SLIT1: variants seen among roughly 807,000 people sequenced by gnomAD.
SLIT1 encodes slit homolog 1 protein.
A neutral mutation model predicts 186.1 loss-of-function variants in SLIT1; 66 were observed. That is an observed-to-expected ratio of 0.35 (90% confidence interval 0.29 to 0.44). The LOEUF (loss-of-function observed/expected upper bound fraction) is 0.44, where lower values mean the gene tolerates loss of function less well. Among genes scored for constraint, SLIT1 ranks in the 20% least tolerant of loss-of-function variants. The probability of loss-of-function intolerance (pLI) is 1.00; values close to 1 mark genes in which losing one functional copy is unlikely to be tolerated. For missense variants in SLIT1, 1,638 were observed against 2,037.4 expected, an observed-to-expected ratio of 0.80 and a Z score of 3.77; for synonymous variants, 761 against 833.8, an observed-to-expected ratio of 0.91 and a Z score of 1.50.
At chr10:97,035,934 G>A (rs369692809) in intron 22 of SLIT1, among the ~76,000 whole-genome samples, 2 of 152,118 alleles carry the variant, frequency 1.3e-5, no homozygotes, top group African/African-American at 4.8e-5. Context: ...GCCTCCCTGA[G>A]TTGATCACAT....
chr10:97,100,679 A>G (rs1356807898), intron 4 of SLIT1, among the ~76,000 whole-genome samples: 1 of 152,248 alleles, frequency 6.6e-6, no homozygotes, highest in African/African-American at 2.4e-5. Context: ...TCATTAAAAT[A>G]ATGACCATAA....
At position 97,011,090 on chromosome 10, in the gene SLIT1, C is replaced by T. The variant is rs765166328; in HGVS notation, c.3244G>A (p.Glu1082Lys). The T allele has an allele frequency of 6.2e-7, 1 of 1,613,754 alleles. No individual in the cohort carries two copies. Among genetic ancestry groups the T allele is most frequent in the Non-Finnish European group, 8.5e-7 (1 of 1,179,654 alleles). ...MPGYAGDNCS[E>K]NQDDCRDHRC... ...TGGTCCCTGCAGTCATCCTGGTTCT[C>T]ACTGCAGTTGTCACCTGCATAACCT... The change falls in exon 31 of 37, where the codon GAG becomes AAG. Residue 1082 changes from glutamate to lysine, a missense_variant. This residue lies in a region of SLIT1 where 1,245 missense variants were observed against 1,535.3 expected (regional missense o/e 0.81). Transcript: ENST00000266058.
chr10:97,013,648 G>T (rs911071457), intron 30 of SLIT1, 93 bp downstream of exon 30: 1 of 884,754 alleles, frequency 1.1e-6, no homozygotes, highest in Admixed American at 2.1e-5. Context: ...GGACAAATGA[G>T]GGAATGAGGG....
chr10:97,157,898 GAGA>G lies in SLIT1; in HGVS notation c.342-12_342-10del, dbSNP rs144896993. On this transcript the variant is annotated splice_polypyrimidine_tract_variant and intron_variant, in intron 3 of 36. Transcript: ENST00000266058. ...GGTTTCGGTTCAGTCGCCTATAAAA[GAGA>G]AGAAGAATTGGAAATCACCTAGACA... 3.1e-4 allele frequency: 492 copies of G among 1,609,858 alleles called. No individual in the cohort carries two copies. The African/African-American group carries it at 5.8e-3, about 19-fold the overall frequency.
intron 4 of SLIT1, chr10:97,102,702 A>G (rs892352060): frequency 9.2e-5 from 14 of 152,422 alleles, no homozygotes; most frequent in African/African-American, 2.9e-4. Context: ...CTCAATGTGC[A>G]CTGTTGTGTG....
At chr10:97,104,020 A>T (rs917808326) in intron 4 of SLIT1, among the ~76,000 whole-genome samples, 8 of 152,114 alleles carry the variant, frequency 5.3e-5, no homozygotes, top group Non-Finnish European at 1.0e-4. Context: ...GGGATACAGC[A>T]AGGAACACAG....
intron 10 of SLIT1, 45 bp downstream of exon 10, chr10:97,060,042 G>C: frequency 1.3e-6 from 2 of 1,514,464 alleles, no homozygotes; most frequent in Non-Finnish European, 1.8e-6. Context: ...CAGGATCTCC[G>C]TCAGCCCTGT....
chr10:97,043,171 A>C lies in SLIT1; in HGVS notation c.1998-104T>G. 7.2e-7 allele frequency: 1 copy of C among 1,380,060 alleles called. No homozygotes were observed. The highest frequency in any genetic ancestry group is 1.0e-6 in the Non-Finnish European group (1 of 998,568). The allele number at this position is 1,380,060 out of a possible 1,614,324, so 85.5% of individuals were successfully genotyped here. On this transcript the variant is annotated intron_variant, in intron 19 of 36. Coordinates refer to ENST00000266058, the MANE Select transcript of SLIT1 (RefSeq NM_003061.3). This position sits in a 1 kb window ranked among gnomAD's most constrained non-coding sequence, Gnocchi z 7.0. ...ACACAGGGCCACATGGCCACATGGC[A>C]CTGTCTCCCAGACCACCACCCATCA...
At chr10:97,185,090 CA>C (rs1164829486) in intron 1 of SLIT1, among the ~76,000 whole-genome samples, 12 of 152,356 alleles carry the variant, frequency 7.9e-5, no homozygotes. Flanking sequence ...CCCATGTGCC[CA>C]AAAGGAGACA....
rs1475617341 is a variant in SLIT1, at chr10:97,056,469, G to A, written c.1158-5C>T. ...ATCTTGTTGGCATTCAGGAGCCTGT[G>A]GGCAGAGCCAGGACCAAGTGGTGAG... is the stretch of plus-strand genomic sequence containing the variant. On this transcript the variant is annotated splice_polypyrimidine_tract_variant and splice_region_variant and intron_variant, in intron 12 of 36. Coordinates refer to ENST00000266058, the MANE Select transcript of SLIT1 (RefSeq NM_003061.3). The A allele has an allele frequency of 2.5e-6, 4 of 1,614,036 alleles. No homozygotes were observed. In the East Asian group the frequency reaches 8.9e-5, roughly 36 times the overall value.
At chr10:97,033,799 T>C (rs185009930) in intron 23 of SLIT1, among the ~76,000 whole-genome samples, 1 of 151,922 alleles carries the variant, frequency 6.6e-6, no homozygotes, top group African/African-American at 2.4e-5. Flanking sequence ...AGCAGCTGCC[T>C]TGGGGTAGGG....
At chr10:97,078,484 T>G (rs543684901) in intron 4 of SLIT1, among the ~76,000 whole-genome samples, 3 of 152,300 alleles carry the variant, frequency 2.0e-5, no homozygotes, top group African/African-American at 7.2e-5. Context: ...GGCTGTTTGC[T>G]ATGCAGCTAC....
chr10:97,018,351 T>C (rs966012994), intron 28 of SLIT1, among the ~76,000 whole-genome samples: 8 of 152,200 alleles, frequency 5.3e-5, no homozygotes, highest in Non-Finnish European at 7.3e-5. Flanking sequence ...GCGGCTTAGG[T>C]ATCCACTGGT....
intron 9 of SLIT1, among the ~76,000 whole-genome samples, 199 bp from the exon 10 acceptor site, chr10:97,060,357 C>G (rs373712971): frequency 1.5e-4 from 23 of 152,342 alleles, no homozygotes; most frequent in African/African-American, 5.1e-4. Flanking sequence ...TTATCACAGG[C>G]ATTTGTAGCT....
chr10:97,156,125 G>C (rs902437588), intron 4 of SLIT1, among the ~76,000 whole-genome samples: 3 of 152,224 alleles, frequency 2.0e-5, no homozygotes, highest in Non-Finnish European at 4.4e-5. Flanking sequence ...AAAACTGGAG[G>C]AGAAGGCCCA....
intron 5 of SLIT1, among the ~76,000 whole-genome samples, 178 bp from the exon 6 acceptor site, chr10:97,065,054 T>G (rs1848931112): frequency 6.6e-6 from 1 of 152,150 alleles, no homozygotes; most frequent in African/African-American, 2.4e-5. Context: ...TTTTTTCTAA[T>G]TTTCAGTTAA....
intron 28 of SLIT1, among the ~76,000 whole-genome samples, chr10:97,015,045 C>T (rs531208466): frequency 6.6e-6 from 1 of 152,290 alleles, no homozygotes; most frequent in African/African-American, 2.4e-5. Flanking sequence ...TACACCTTCC[C>T]CTGGGGCACC....
intron 18 of SLIT1, among the ~76,000 whole-genome samples, chr10:97,046,146 T>C (rs908364748): frequency 4.6e-5 from 7 of 151,818 alleles, no homozygotes; most frequent in Non-Finnish European, 7.4e-5. Context: ...ATGGAGGGGG[T>C]GTCCTGCATC....
rs780667766 is a variant in SLIT1 at position 97,057,224 on chromosome 10, G to A, written c.1143C>T (p.Tyr381=). The stretch of plus-strand genomic sequence containing the variant: ...TTCGTTCTTACAGGAGCTGTAGGGT[G>A]TATAGGCCTCCAAACACACCACGGG... ...DLPRGVFGGL[Y]TLQLLLLNAN... The change falls in exon 12 of 37, where the codon TAC becomes TAT. Residue 381 remains tyrosine (Y), a synonymous_variant. Transcript: ENST00000266058. 6.2e-7 allele frequency: 1 copy of A among 1,613,866 alleles called. No individual in the cohort carries two copies. Among genetic ancestry groups the A allele is most frequent in the African/African-American group, 1.3e-5 (1 of 75,054 alleles).
Sources: allele counts gnomAD v4.1 joint callset (sites outside exome capture counted in the v4.1 genomes callset), GRCh38; gene constraint gnomAD v4.1.1; regional missense constraint gnomAD v4.1.1; non-coding constraint Gnocchi (gnomAD v3.1); transcripts MANE v1.5; gene names NCBI Gene and HGNC (gene_info 2026-07-23, HGNC 2026-07-21).